The following RALGAPA2 variants were observed in gnomAD, a reference collection of about 807,000 sequenced individuals.
RALGAPA2 encodes the protein ral GTPase-activating protein subunit alpha-2.
RALGAPA2 carries 139 observed loss-of-function variants against 230.4 expected under a neutral mutation model. The ratio of observed to expected loss-of-function variants is 0.60; its 90% CI spans 0.53 to 0.69. RALGAPA2 has a LOEUF of 0.69. RALGAPA2 is among the 30% of genes least tolerant of loss of function. The pLI is 0.00. For missense variants in RALGAPA2, 2,163 were observed against 2,276.0 expected, an observed-to-expected ratio of 0.95 and a Z score of 1.01; for synonymous variants, 847 against 837.8, an observed-to-expected ratio of 1.01 and a Z score of -0.19.
intron 2 of RALGAPA2, 26 bp downstream of exon 2, chr20:20,680,665 T>C (rs552437436): frequency 6.7e-7 from 1 of 1,497,244 alleles, no homozygotes; most frequent in Non-Finnish European, 8.9e-7. Context: ...GAATGTTTTT[T>C]AAAAAAAAAC....
intron 4 of RALGAPA2, among the ~76,000 whole-genome samples, chr20:20,647,664 G>A (rs971036762): frequency 6.6e-6 from 1 of 151,462 alleles, no homozygotes; most frequent in Non-Finnish European, 1.5e-5. Flanking sequence ...ACTATTAAGG[G>A]AATGAAAAGA....
intron 1 of RALGAPA2, among the ~76,000 whole-genome samples, chr20:20,693,493 C>T (rs1032152779): frequency 1.6e-4 from 24 of 152,076 alleles, no homozygotes; most frequent in African/African-American, 2.4e-4. Flanking sequence ...TAATCAAAAT[C>T]GCTCCTGAGG....
At chr20:20,425,866 G>A (rs2060372615) in intron 37 of RALGAPA2, among the ~76,000 whole-genome samples, 1 of 152,166 alleles carries the variant, frequency 6.6e-6, no homozygotes, top group Non-Finnish European at 1.5e-5. Flanking sequence ...AAAGTATGTT[G>A]GCCAGTTAAT....
chr20:20,556,282 T>C (rs774159057), intron 23 of RALGAPA2, among the ~76,000 whole-genome samples: 6 of 152,186 alleles, frequency 3.9e-5, no homozygotes, highest in Non-Finnish European at 7.3e-5. Flanking sequence ...ACACCCTGCC[T>C]GAAGCCCACA....
intron 24 of RALGAPA2, among the ~76,000 whole-genome samples, chr20:20,540,013 T>C (rs557838589): frequency 2.6e-5 from 4 of 152,356 alleles, no homozygotes; most frequent in South Asian, 4.1e-4. Flanking sequence ...CATCTGTCAA[T>C]AGACATTTAA....
chr20:20,599,472 G>A (rs1347830608), intron 16 of RALGAPA2, among the ~76,000 whole-genome samples: 1 of 152,128 alleles, frequency 6.6e-6, no homozygotes, highest in Admixed American at 6.5e-5. Flanking sequence ...GGAATTGAAT[G>A]AACATAGGAG....
At chr20:20,601,627 AAATTT>A in intron 16 of RALGAPA2, 50 bp downstream of exon 16, 1 of 1,562,700 alleles carries the variant, frequency 6.4e-7, no homozygotes, top group Non-Finnish European at 8.7e-7. Context: ...TTATGCCTAT[AAATTT>A]ATTTTAGATA....
intron 27 of RALGAPA2, among the ~76,000 whole-genome samples, chr20:20,528,034 G>A (rs553266897): frequency 8.5e-5 from 13 of 152,318 alleles, no homozygotes; most frequent in East Asian, 1.9e-4. Context: ...AGAAGGCATC[G>A]TGGAGGGAGA....
intron 38 of RALGAPA2, among the ~76,000 whole-genome samples, chr20:20,401,285 C>T (rs770336225): frequency 5.3e-5 from 8 of 152,072 alleles, no homozygotes; most frequent in South Asian, 2.1e-4. Context: ...ACAGAAGTGG[C>T]TCCAAGATTT....
chr20:20,572,826 T>C (rs1229971080), intron 21 of RALGAPA2, 49 bp downstream of exon 21: 2 of 1,372,978 alleles, frequency 1.5e-6, no homozygotes, highest in Admixed American at 5.2e-5. Flanking sequence ...CATTAAATGA[T>C]AAGACCATTT....
chr20:20,673,534 T>A (rs1049758590), intron 3 of RALGAPA2, among the ~76,000 whole-genome samples: 3 of 151,904 alleles, frequency 2.0e-5, no homozygotes, highest in Non-Finnish European at 4.4e-5. Context: ...TCAGAATTCT[T>A]CAAATTCTTA....
At chr20:20,587,364 T>G (rs2065163688) in intron 18 of RALGAPA2, among the ~76,000 whole-genome samples, 1 of 152,068 alleles carries the variant, frequency 6.6e-6, no homozygotes, top group South Asian at 2.1e-4. Flanking sequence ...AAAGGAGGCC[T>G]TACATATCTC....
intron 3 of RALGAPA2, among the ~76,000 whole-genome samples, chr20:20,666,878 T>C (rs1436237705): frequency 6.8e-6 from 1 of 147,570 alleles, no homozygotes; most frequent in South Asian, 2.1e-4. Flanking sequence ...ACAAAAGATA[T>C]GCAATTCTCA....
At chr20:20,658,448 A>G (rs2067661673) in intron 3 of RALGAPA2, among the ~76,000 whole-genome samples, 1 of 152,238 alleles carries the variant, frequency 6.6e-6, no homozygotes, top group Non-Finnish European at 1.5e-5. Context: ...ATTCTAAGCT[A>G]TACTGCTGTG....
At chr20:20,441,739 T>C (rs951412273) in intron 37 of RALGAPA2, among the ~76,000 whole-genome samples, 2 of 152,248 alleles carry the variant, frequency 1.3e-5, no homozygotes, top group African/African-American at 4.8e-5. Context: ...AGAGGTATCC[T>C]AGAGTCATTT....
chr20:20,562,840 TA>T (rs1017047729), intron 23 of RALGAPA2, among the ~76,000 whole-genome samples: 14 of 151,980 alleles, frequency 9.2e-5, no homozygotes, highest in South Asian at 2.1e-4. Context: ...TCTACAGCTA[TA>T]AAAAAAAGAA....
chr20:20,524,329 A>G (rs1159722387), intron 30 of RALGAPA2, 77 bp downstream of exon 30: 44 of 1,543,476 alleles, frequency 2.9e-5, no homozygotes, highest in Non-Finnish European at 3.7e-5. Context: ...AAATAAGTAC[A>G]TGCATAAGAC....
Position 20,584,908 on chromosome 20 carries a change from A to T in RALGAPA2, c.2487T>A (p.Asp829Glu). The T allele has an allele frequency of 3.7e-6, 6 of 1,612,014 alleles. No individual in the cohort carries two copies. The highest frequency in any genetic ancestry group is 5.1e-6 in the Non-Finnish European group (6 of 1,178,824). ...SSSPAELDLK[D>E]DLQQTQGKCR... ...ATTTTCCTTGTGTCTGCTGCAAATC[A>T]TCTTTCAAATCCAATTCAGCAGGGC... is the stretch of plus-strand genomic sequence containing the variant. Residue 829 changes from aspartate (D) to glutamate (E), a missense_variant, in exon 19 of 40, where the codon GAT (aspartate) becomes GAA (glutamate). Asp to Glu is a conservative substitution (Grantham distance 45). Transcript: ENST00000202677.
At chr20:20,598,069 T>TA (rs1245814129) in intron 16 of RALGAPA2, among the ~76,000 whole-genome samples, 1 of 152,194 alleles carries the variant, frequency 6.6e-6, no homozygotes, top group East Asian at 1.9e-4. Flanking sequence ...GATATCTTAA[T>TA]AAAAAATGTA....
Sources: gnomAD v4.1 joint callset for allele counts (sites outside exome capture counted in the v4.1 genomes callset) on GRCh38, gnomAD v4.1.1 for gene constraint, MANE v1.5 for transcripts, NCBI Gene and HGNC (gene_info 2026-07-23, HGNC 2026-07-21) for gene names.